Variants in AP3B1 observed in about 807,000 individuals in gnomAD.
AP3B1 encodes the protein adaptor related protein complex 3 subunit beta 1, also known as AP-3 complex subunit beta-1.
A neutral mutation model predicts 132.5 loss-of-function variants in AP3B1; 61 were observed. The observed-to-expected ratio is 0.46, with a 90% CI of 0.37 to 0.57. The LOEUF (loss-of-function observed/expected upper bound fraction) is 0.57, where lower values mean the gene tolerates loss of function less well. Among genes scored for constraint, AP3B1 ranks in the 20% least tolerant of loss-of-function variants. The pLI is 0.00. For synonymous variants in AP3B1, 388 were observed against 438.3 expected, an observed-to-expected ratio of 0.89 and a Z score of 1.43; for missense variants, 1,120 against 1,289.4, an observed-to-expected ratio of 0.87 and a Z score of 2.01.
At chr5:78,040,884 C>G (rs1002349834) in intron 22 of AP3B1, among the ~76,000 whole-genome samples, 1 of 152,140 alleles carries the variant, frequency 6.6e-6, no homozygotes, top group African/African-American at 2.4e-5. Flanking sequence ...AGTTAAATAT[C>G]ATATATACAA....
chr5:78,171,932 C>A (rs781603088), intron 11 of AP3B1, among the ~76,000 whole-genome samples: 4 of 152,052 alleles, frequency 2.6e-5, no homozygotes, highest in Admixed American at 6.6e-5. Context: ...TAGTTTATTG[C>A]GTGTTTTTAG....
chr5:78,030,762 G>C (rs527569767), intron 24 of AP3B1, among the ~76,000 whole-genome samples: 1 of 152,202 alleles, frequency 6.6e-6, no homozygotes, highest in African/African-American at 2.4e-5. Flanking sequence ...CTGGAGCCTT[G>C]AACTCCTGGG....
At chr5:78,019,639 T>A (rs1414802816) in intron 25 of AP3B1, among the ~76,000 whole-genome samples, 8 of 152,170 alleles carry the variant, frequency 5.3e-5, no homozygotes. Context: ...AAGAAAGATT[T>A]CATCGTTCTT....
At chr5:78,293,159 G>C (rs979866094) in intron 1 of AP3B1, among the ~76,000 whole-genome samples, 1 of 152,210 alleles carries the variant, frequency 6.6e-6, no homozygotes, top group Non-Finnish European at 1.5e-5. Context: ...GATTACAGGC[G>C]TGAGCCGCAG....
chr5:78,038,468 C>T (rs1747900627), intron 23 of AP3B1, among the ~76,000 whole-genome samples: 2 of 151,978 alleles, frequency 1.3e-5, no homozygotes, highest in Admixed American at 1.3e-4. Context: ...AAAAAATAAT[C>T]GCAAAAAAAT....
intron 7 of AP3B1, among the ~76,000 whole-genome samples, chr5:78,188,269 A>G (rs1442788157): frequency 1.3e-5 from 2 of 152,240 alleles, no homozygotes; most frequent in African/African-American, 4.8e-5. Context: ...TGCACCGCAA[A>G]CAAAACTATC....
chr5:78,191,354 C>CAA lies in AP3B1; in HGVS notation c.787-9694_787-9693dup, dbSNP rs34733864. ...ATTGGCTTTTGGAATTGCTTTTCCC[C>CAA]AAAAAAAAAAAAAAAAAAAAAAAGG... On this transcript the variant is annotated intron_variant, in intron 7 of 26. Coordinates refer to ENST00000255194, the MANE Select transcript of AP3B1 (RefSeq NM_003664.5). Among the ~76,000 whole-genome samples, 350 of 72,328 alleles carry CAA rather than the reference C, an allele frequency of 4.8e-3. 1 individual carries two copies. Among genetic ancestry groups the CAA allele is most frequent in the African/African-American group, 0.011 (194 of 18,224 alleles). The allele number at this position is 72,328 out of a possible 152,430, so 47.4% of individuals were successfully genotyped here. A position where few individuals can be genotyped will look rare whatever the true frequency, so the allele number is the denominator to read the frequency against.
intron 24 of AP3B1, among the ~76,000 whole-genome samples, chr5:78,033,065 A>G (rs1049704886): frequency 2.6e-5 from 4 of 152,138 alleles, no homozygotes; most frequent in Non-Finnish European, 4.4e-5. Context: ...ATACAAATTG[A>G]TAAGAAAAAG....
chr5:78,251,936 A>G (rs567748988), intron 2 of AP3B1, among the ~76,000 whole-genome samples: 187 of 152,216 alleles, frequency 1.2e-3, no homozygotes, highest in African/African-American at 4.3e-3. Context: ...CTTCCACTTG[A>G]GGAGAGGAGA....
intron 20 of AP3B1, among the ~76,000 whole-genome samples, chr5:78,106,146 A>G (rs1751323628): frequency 6.6e-6 from 1 of 152,170 alleles, no homozygotes; most frequent in Admixed American, 6.5e-5. Context: ...AACCACAAAT[A>G]TTCCACTGGG....
chr5:78,173,438 C>T (rs1367272090), intron 11 of AP3B1, among the ~76,000 whole-genome samples: 1 of 152,124 alleles, frequency 6.6e-6, no homozygotes, highest in African/African-American at 2.4e-5. Flanking sequence ...AATCTGGGTG[C>T]TCCTGGATTG....
At chr5:78,089,097 C>T (rs961500051) in intron 22 of AP3B1, 1 of 274,130 alleles carries the variant, frequency 3.6e-6, no homozygotes, top group African/African-American at 2.2e-5. Context: ...TGGCACAGTT[C>T]AGGTATATGT....
chr5:78,075,112 C>A (rs1749708222), intron 22 of AP3B1, among the ~76,000 whole-genome samples: 3 of 151,976 alleles, frequency 2.0e-5, no homozygotes, highest in Non-Finnish European at 2.9e-5. Context: ...TAGCACTCTG[C>A]CAATATAAGA....
chr5:78,217,950 G>A (rs1746028412), intron 6 of AP3B1, among the ~76,000 whole-genome samples: 1 of 151,882 alleles, frequency 6.6e-6, no homozygotes, highest in Non-Finnish European at 1.5e-5. Context: ...TGGAAAATCA[G>A]CTACCATATA....
chr5:78,073,115 G>T (rs1361742614), intron 22 of AP3B1, among the ~76,000 whole-genome samples: 1 of 152,066 alleles, frequency 6.6e-6, no homozygotes, highest in Non-Finnish European at 1.5e-5. Flanking sequence ...TCTTGTCAGT[G>T]GTAATCAATT....
intron 14 of AP3B1, among the ~76,000 whole-genome samples, chr5:78,142,743 A>G (rs777544607): frequency 6.6e-6 from 1 of 152,180 alleles, no homozygotes; most frequent in Non-Finnish European, 1.5e-5. Flanking sequence ...ATGTCTTTAA[A>G]TTATTATTTA....
At chr5:78,197,129 C>T (rs959196464) in intron 7 of AP3B1, among the ~76,000 whole-genome samples, 10 of 152,014 alleles carry the variant, frequency 6.6e-5, no homozygotes, top group South Asian at 2.1e-4. Flanking sequence ...GAAATCCCTG[C>T]ACCTTCAACT....
At chr5:78,161,397 T>C (rs1372796990) in intron 13 of AP3B1, among the ~76,000 whole-genome samples, 5 of 151,998 alleles carry the variant, frequency 3.3e-5, no homozygotes, top group Non-Finnish European at 7.4e-5. Flanking sequence ...AAAAGAACAA[T>C]TGCCCTGGTA....
intron 22 of AP3B1, among the ~76,000 whole-genome samples, chr5:78,076,253 T>G (rs2112172410): frequency 6.6e-6 from 1 of 152,326 alleles, no homozygotes; most frequent in South Asian, 2.1e-4. Context: ...CAGTCAACTA[T>G]AAACTTTCTC....
Sources: allele counts gnomAD v4.1 joint callset (sites outside exome capture counted in the v4.1 genomes callset), GRCh38; gene constraint gnomAD v4.1.1; transcripts MANE v1.5; gene names NCBI Gene and HGNC (gene_info 2026-07-23, HGNC 2026-07-21).